Variants in TBC1D4 observed in about 807,000 individuals in gnomAD.
TBC1D4 encodes TBC (Tre-2, BUB2, CDC16) domain-containing protein.
A neutral mutation model predicts 142.5 loss-of-function variants in TBC1D4; 121 were observed. The ratio of observed to expected loss-of-function variants is 0.85; its 90% CI spans 0.73 to 0.99. The LOEUF is 0.99. Ranked by LOEUF, TBC1D4 falls within the 50% of genes least tolerant of loss-of-function variation. The pLI is 0.00. For missense variants in TBC1D4, 1,475 were observed against 1,606.6 expected (o/e 0.92, Z 1.40); for synonymous variants, 630 against 628.2 (o/e 1.00, Z -0.04).
intron 19 of TBC1D4, among the ~76,000 whole-genome samples, chr13:75,291,355 T>C (rs1293851254): frequency 6.6e-6 from 1 of 152,168 alleles, no homozygotes; most frequent in Admixed American, 6.6e-5. Context: ...GTTCCAGCTC[T>C]CCCTGGGCCT....
chr13:75,439,501 G>A (rs1055614553), intron 1 of TBC1D4, among the ~76,000 whole-genome samples: 1 of 152,168 alleles, frequency 6.6e-6, no homozygotes, highest in Non-Finnish European at 1.5e-5. Flanking sequence ...AACAGAAATT[G>A]TAAACCACTA....
chr13:75,464,114 T>C (rs575948078), intron 1 of TBC1D4, among the ~76,000 whole-genome samples: 2 of 152,356 alleles, frequency 1.3e-5, no homozygotes, highest in South Asian at 2.1e-4. Context: ...GAAATAATTA[T>C]AACAGTTCCA....
At chr13:75,442,717 T>A (rs1887095777) in intron 1 of TBC1D4, among the ~76,000 whole-genome samples, 1 of 150,322 alleles carries the variant, frequency 6.7e-6, no homozygotes, top group Admixed American at 6.6e-5. Context: ...AGGTGGAGGT[T>A]GCAGTGAGCC....
At chr13:75,437,602 T>G (rs1219215037) in intron 1 of TBC1D4, among the ~76,000 whole-genome samples, 2 of 150,996 alleles carry the variant, frequency 1.3e-5, no homozygotes, top group African/African-American at 4.9e-5. Context: ...TTATAAACTT[T>G]TTTTTTTTTT....
chr13:75,459,608 T>C (rs1338426315), intron 1 of TBC1D4, among the ~76,000 whole-genome samples: 2 of 152,182 alleles, frequency 1.3e-5, no homozygotes, highest in Non-Finnish European at 2.9e-5. Flanking sequence ...AGGACCTATA[T>C]GCTTTCTCTG....
intron 15 of TBC1D4, among the ~76,000 whole-genome samples, chr13:75,302,982 T>TTA (rs751228972): frequency 2.0e-5 from 3 of 152,196 alleles, no homozygotes; most frequent in Non-Finnish European, 4.4e-5. Context: ...ACAAGTAACT[T>TTA]TATAATAGAG....
In TBC1D4 at chr13:75,362,246, G is replaced by C. The variant is rs746960565; in HGVS notation, c.860C>G (p.Pro287Arg). Reference protein sequence around the residue: ...HLGLPAGASQPALTSSRVCFP... With the variant: ...HLGLPAGASQRALTSSRVCFP... ...GCAGACCCGAGAGCTGGTCAGGGCA[G>C]GCTGGCTGGCCCCGGCAGGTAAGCC... The change falls in exon 2 of 21, where the codon CCT becomes CGT. Residue 287 changes from proline (P) to arginine (R), a missense_variant. Physicochemically the swap from Pro to Arg is moderately radical, Grantham distance 103. Transcript: ENST00000377636. The surrounding 1 kb of genome is among the most constrained non-coding windows in gnomAD (Gnocchi z 4.2). 1 of 1,613,892 alleles carries C rather than the reference G, an allele frequency of 6.2e-7. No homozygotes were observed. Among genetic ancestry groups the C allele is most frequent in the Non-Finnish European group, 8.5e-7 (1 of 1,179,968 alleles).
intron 3 of TBC1D4, 127 bp from the exon 4 acceptor site, chr13:75,356,378 G>T (rs187760894): frequency 1.2e-5 from 9 of 740,216 alleles, no homozygotes; most frequent in Non-Finnish European, 1.9e-5. Flanking sequence ...AGCAATGAAG[G>T]GGGGACATAA....
chr13:75,369,377 A>G (rs891447933), intron 1 of TBC1D4, among the ~76,000 whole-genome samples: 17 of 152,090 alleles, frequency 1.1e-4, no homozygotes, highest in Non-Finnish European at 1.5e-4. Context: ...CTGTAGCCCC[A>G]GCTAGTTAGG....
In TBC1D4 at chr13:75,410,752, C is replaced by T. The variant is rs920132936; in HGVS notation, c.499-48145G>A. Among the ~76,000 whole-genome samples, 20 of 151,286 alleles carry T rather than the reference C, an allele frequency of 1.3e-4. No individual in the cohort carries two copies. The East Asian group carries it at 3.9e-3, about 30-fold the overall frequency. On this transcript the variant is annotated intron_variant, in intron 1 of 20. Transcript: ENST00000377636. ...GAGATCGAGACCATCCTGGCTAACA[C>T]GGTGAAACCCCGTCTCTACTAAAAA...
rs796186386 is a variant in TBC1D4, at chr13:75,479,214, A to C, written c.498+2056T>G. On this transcript the variant is annotated intron_variant, in intron 1 of 20. Coordinates refer to ENST00000377636, the MANE Select transcript of TBC1D4 (RefSeq NM_014832.5). ...TGGAGATGCTCTCTAGAGACGCTAC[A>C]TCTGGCCCTTCAAATTAATAACCCT... Among the ~76,000 whole-genome samples the C allele has an allele frequency of 1.4e-4, 21 of 152,336 alleles. No homozygotes were observed. The East Asian group carries it at 3.7e-3, about 27-fold the overall frequency.
At chr13:75,312,424 A>AAAAGAAAGAAAGAAAGAAAGAAAGAAAG (rs375132840) in intron 13 of TBC1D4, among the ~76,000 whole-genome samples, 4 of 136,004 alleles carry the variant, frequency 2.9e-5, no homozygotes, top group African/African-American at 9.6e-5. Flanking sequence ...GGGAAAAAAA[A>AAAAGAAAGAAAGAAAGAAAGAAAGAAAG]AAAGAAAGAA....
rs1296721098 is a variant in TBC1D4 at position 75,341,358 on chromosome 13, G to A, written c.1501-123C>T. On this transcript the variant is annotated intron_variant, in intron 6 of 20. Transcript: ENST00000377636. ...CTTCGCTCAGAAGCAAAAGTAAAATGGCATTCTATTCTATCCAGTAGTACT... is the reference window on the plus strand; with the variant it reads ...CTTCGCTCAGAAGCAAAAGTAAAATAGCATTCTATTCTATCCAGTAGTACT... 3 of 1,257,212 alleles carry A rather than the reference G, an allele frequency of 2.4e-6. No individual in the cohort carries two copies. The Admixed American group carries it at 5.5e-5, about 23-fold the overall frequency. The allele number at this position is 1,257,212 out of a possible 1,614,324, so 77.9% of individuals were successfully genotyped here.
At chr13:75,375,523 G>T (rs1883448956) in intron 1 of TBC1D4, 1 of 152,126 alleles carries the variant, frequency 6.6e-6, no homozygotes, top group Admixed American at 6.6e-5. Context: ...ACACAAAACA[G>T]AAGTTTATTT....
chr13:75,481,214 G>GC, intron 1 of TBC1D4, 56 bp downstream of exon 1: 16 of 1,029,746 alleles, frequency 1.6e-5, no homozygotes, highest in Non-Finnish European at 2.0e-5. Context: ...CTCCCGCCCT[G>GC]CTCCCCGATC....
rs1247095699 is a variant in TBC1D4 at position 75,481,402 on chromosome 13, C to CT, written c.365dup (p.Ala123GlyfsTer47). On this transcript the variant is annotated frameshift_variant, in exon 1 of 21. Transcript: ENST00000377636. LOFTEE classifies it high-confidence loss of function. ...GGATGAAGCGCGAGATATGCTGCGC[C>CT]TTGTGCTCGAAGATGAATACCGCCG... 2 of 1,613,914 alleles carry CT rather than the reference C, an allele frequency of 1.2e-6. No individual in the cohort carries two copies. The highest frequency in any genetic ancestry group is 3.3e-5 in the Admixed American group (2 of 60,022).
intron 2 of TBC1D4, 72 bp downstream of exon 2, chr13:75,361,954 G>A: frequency 3.9e-6 from 6 of 1,523,976 alleles, no homozygotes; most frequent in Admixed American, 1.7e-5. Flanking sequence ...GGAGCTGGGA[G>A]GAACTGGATG....
chr13:75,317,050 C>T (rs1363545172), intron 12 of TBC1D4, among the ~76,000 whole-genome samples: 3 of 152,154 alleles, frequency 2.0e-5, no homozygotes, highest in Non-Finnish European at 4.4e-5. Flanking sequence ...GTCATTACTA[C>T]TTCCATTTTT....
At chr13:75,340,640 T>C (rs535628117) in intron 7 of TBC1D4, among the ~76,000 whole-genome samples, 1 of 152,322 alleles carries the variant, frequency 6.6e-6, no homozygotes, top group South Asian at 2.1e-4. Flanking sequence ...AATGTGTCAG[T>C]GCCTGCTCAA....
Sources: gnomAD v4.1 joint callset for allele counts (sites outside exome capture counted in the v4.1 genomes callset) on GRCh38, gnomAD v4.1.1 for gene constraint, Gnocchi (gnomAD v3.1) non-coding constraint, MANE v1.5 for transcripts, NCBI Gene and HGNC (gene_info 2026-07-23, HGNC 2026-07-21) for gene names.